The following DPP10 variants were observed in gnomAD, a reference collection of about 807,000 sequenced individuals.
DPP10 encodes inactive dipeptidyl peptidase 10.
DPP10 carries 33 observed loss-of-function variants against 120.9 expected under a neutral mutation model. The observed-to-expected ratio is 0.27, with a 90% confidence interval of 0.21 to 0.37. The LOEUF (loss-of-function observed/expected upper bound fraction) is 0.37. DPP10 is among the 10% of genes least tolerant of loss of function. The pLI, the probability that DPP10 is intolerant of heterozygous loss-of-function variation, is 1.00. For synonymous variants in DPP10, 337 were observed against 326.1 expected (o/e 1.03, Z -0.36); for missense variants, 816 against 942.8 (o/e 0.87, Z 1.76).
intron 21 of DPP10, among the ~76,000 whole-genome samples, chr2:115,832,352 C>T (rs1020403): frequency 0.97 from 147,436 of 152,262 alleles, 71,590 homozygotes; most frequent in East Asian, 1. Flanking sequence ...TAGCTGGGCA[C>T]GGTGGCACGC....
chr2:115,310,999 A>G (rs545494484), intron 2 of DPP10, among the ~76,000 whole-genome samples: 1 of 152,182 alleles, frequency 6.6e-6, no homozygotes, highest in Non-Finnish European at 1.5e-5. Context: ...TTGATACAAC[A>G]AAGACCACAT....
intron 1 of DPP10, among the ~76,000 whole-genome samples, chr2:114,905,096 G>C (rs116732423): frequency 0.027 from 4,045 of 152,178 alleles, 178 homozygotes; most frequent in African/African-American, 0.093. Flanking sequence ...GATATAAATT[G>C]TGTTTGCTGA....
intron 1 of DPP10, among the ~76,000 whole-genome samples, chr2:115,048,394 T>C (rs1336276529): frequency 1.3e-5 from 2 of 152,144 alleles, no homozygotes; most frequent in African/African-American, 4.8e-5. Flanking sequence ...TGTTAATCTA[T>C]AACTTAGCTT....
At chr2:114,554,791 T>G (rs545434564) in intron 1 of DPP10, among the ~76,000 whole-genome samples, 12 of 152,380 alleles carry the variant, frequency 7.9e-5, no homozygotes, top group African/African-American at 2.4e-4. Context: ...AAATGGTTTG[T>G]ACATCTTCTG....
chr2:115,134,198 C>G (rs992854371), intron 1 of DPP10, among the ~76,000 whole-genome samples: 2 of 152,130 alleles, frequency 1.3e-5, no homozygotes, highest in Non-Finnish European at 2.9e-5. Flanking sequence ...CATTTAAGTA[C>G]AAATTCACAG....
At chr2:114,784,301 C>G (rs778107127) in intron 1 of DPP10, among the ~76,000 whole-genome samples, 1 of 152,104 alleles carries the variant, frequency 6.6e-6, no homozygotes, top group Non-Finnish European at 1.5e-5. Context: ...CAAGGTCACC[C>G]TATTTGTAAG....
At chr2:115,463,217 T>C (rs756180332) in intron 3 of DPP10, among the ~76,000 whole-genome samples, 3 of 152,176 alleles carry the variant, frequency 2.0e-5, no homozygotes, top group Non-Finnish European at 2.9e-5. Context: ...CATTACTTTG[T>C]AAGTTCTTTG....
chr2:115,166,300 ATTTT>A (rs970786615), intron 1 of DPP10, among the ~76,000 whole-genome samples: 27 of 151,778 alleles, frequency 1.8e-4, no homozygotes, highest in Admixed American at 1.1e-3. Flanking sequence ...ATATTGAAAA[ATTTT>A]AATTAATAAA....
In DPP10 at chr2:115,761,987, A is replaced by G. The variant is rs566852520; in HGVS notation, c.1075-585A>G. ...TACACATATTTAACGAGGTTAAATT[A>G]GTCTAATTTTGCTTTTTGCAATATG... On this transcript the variant is annotated intron_variant, in intron 11 of 25. Coordinates refer to ENST00000410059, the MANE Select transcript of DPP10 (RefSeq NM_020868.6). Among the ~76,000 whole-genome samples, 105 of 152,278 alleles carry G rather than the reference A, an allele frequency of 6.9e-4. 2 individuals carry two copies. Among genetic ancestry groups the G allele is most frequent in the African/African-American group, 2.4e-3 (98 of 41,566 alleles).
At chr2:115,299,148 C>CT (rs1270568484) in intron 1 of DPP10, among the ~76,000 whole-genome samples, 1 of 152,000 alleles carries the variant, frequency 6.6e-6, no homozygotes, top group Non-Finnish European at 1.5e-5. Flanking sequence ...ATTTCAGTTT[C>CT]TATCCCTCTT....
At chr2:114,865,841 G>A (rs557899203) in intron 1 of DPP10, among the ~76,000 whole-genome samples, 1 of 152,196 alleles carries the variant, frequency 6.6e-6, no homozygotes, top group Admixed American at 6.5e-5. Flanking sequence ...GGCCAGACAC[G>A]GTGGTTCACA....
In DPP10 at chr2:115,415,689, G is replaced by C. The variant is rs571469829; in HGVS notation, c.271+71777G>C. 1.9e-4 allele frequency among the ~76,000 whole-genome samples: 29 copies of C among 151,524 alleles called. No individual in the cohort carries two copies. In the South Asian group the frequency reaches 5.0e-3, roughly 26 times the overall value. On this transcript the variant is annotated intron_variant, in intron 3 of 25. Coordinates refer to ENST00000410059, the MANE Select transcript of DPP10 (RefSeq NM_020868.6). Reference sequence around the variant, plus strand: ...GATGTATAAAATGAGGATTTTGCCTGTTTTTGTACTTGCCATTTGGAGGAC... The same window carrying C: ...GATGTATAAAATGAGGATTTTGCCTCTTTTTGTACTTGCCATTTGGAGGAC...
intron 1 of DPP10, among the ~76,000 whole-genome samples, chr2:115,121,617 T>C (rs2049828350): frequency 6.6e-6 from 1 of 152,198 alleles, no homozygotes; most frequent in South Asian, 2.1e-4. Flanking sequence ...TTTCTCCCAT[T>C]TGGCCCATTT....
intron 1 of DPP10, among the ~76,000 whole-genome samples, chr2:114,450,727 T>TAAA (rs535824596): frequency 0.023 from 2,998 of 132,762 alleles, 198 homozygotes; most frequent in Admixed American, 0.15. Flanking sequence ...CTTCTGTAAG[T>TAAA]AAAAAAAAAA....
chr2:115,382,455 G>C (rs1462830142), intron 3 of DPP10, among the ~76,000 whole-genome samples: 3 of 152,180 alleles, frequency 2.0e-5, no homozygotes, highest in South Asian at 2.1e-4. Context: ...TGCACCCACT[G>C]TCTGGCACTT....
At chr2:114,462,222 G>A in intron 1 of DPP10, 1 of 856,682 alleles carries the variant, frequency 1.2e-6, no homozygotes, top group Non-Finnish European at 1.4e-6. Flanking sequence ...ATTTTACAGA[G>A]CCGTATATAC....
chr2:114,724,830 G>A (rs1701939775), intron 1 of DPP10, among the ~76,000 whole-genome samples: 1 of 152,134 alleles, frequency 6.6e-6, no homozygotes, highest in African/African-American at 2.4e-5. Context: ...AGGTAGAAAG[G>A]GAGTAACAAT....
intron 3 of DPP10, among the ~76,000 whole-genome samples, chr2:115,346,657 A>C (rs1179823855): frequency 6.6e-6 from 1 of 152,116 alleles, no homozygotes; most frequent in African/African-American, 2.4e-5. Flanking sequence ...TCTTATTTAA[A>C]ATTATTCATT....
chr2:115,613,559 A>G (rs9973568), intron 5 of DPP10, among the ~76,000 whole-genome samples: 29,271 of 152,124 alleles, frequency 0.19, 3,567 homozygotes, highest in African/African-American at 0.34. Context: ...GATCCCCTGC[A>G]TATAGCAGAG....
Sources: allele counts gnomAD v4.1 joint callset (sites outside exome capture counted in the v4.1 genomes callset), GRCh38; gene constraint gnomAD v4.1.1; transcripts MANE v1.5; gene names NCBI Gene and HGNC (gene_info 2026-07-23, HGNC 2026-07-21).